Variants in ZMYM2 observed in about 807,000 individuals in gnomAD.
ZMYM2 encodes the protein zinc finger MYM-type containing 2, also known as zinc finger MYM-type protein 2.
A neutral mutation model predicts 162.8 loss-of-function variants in ZMYM2; 56 were observed. That is an observed-to-expected ratio of 0.34 (90% CI 0.28 to 0.43). The LOEUF (loss-of-function observed/expected upper bound fraction) is 0.43. ZMYM2 is among the 20% of genes least tolerant of loss of function. The probability of loss-of-function intolerance (pLI) is 1.00; values close to 1 mark genes in which losing one functional copy is unlikely to be tolerated. For missense variants in ZMYM2, 1,275 were observed against 1,621.8 expected (o/e 0.79, Z 3.67); for synonymous variants, 510 against 541.6 (o/e 0.94, Z 0.81).
At chr13:19,937,806 A>G in the ZMYM2 span, among the ~76,000 whole-genome samples, 1 of 102,436 alleles carries the variant, frequency 9.8e-6, no homozygotes, top group Non-Finnish European at 1.8e-5. Context: ...ACCTCACAAC[A>G]GTCCCTGGTG....
chr13:20,026,790 A>G, intron 8 of ZMYM2, 28 bp downstream of exon 8: 1 of 1,562,612 alleles, frequency 6.4e-7, no homozygotes, highest in South Asian at 1.2e-5. Flanking sequence ...GGACAGTTAA[A>G]AAAACTTTAC....
At chr13:20,062,785 A>G in intron 17 of ZMYM2, 61 bp from the exon 18 acceptor site, 1 of 1,449,024 alleles carries the variant, frequency 6.9e-7, no homozygotes, top group Non-Finnish European at 9.1e-7. Flanking sequence ...TGCCAGATTA[A>G]ATACAGATAC....
chr13:19,898,909 G>GGT, the ZMYM2 span, among the ~76,000 whole-genome samples: 1 of 151,822 alleles, frequency 6.6e-6, no homozygotes, highest in African/African-American at 2.4e-5. Context: ...CTTTAGACTA[G>GGT]GTGACAGAGC....
At chr13:19,924,449 T>G in the ZMYM2 span, among the ~76,000 whole-genome samples, 42,226 of 151,962 alleles carry the variant, frequency 0.28, 6,004 homozygotes, top group Admixed American at 0.32. Flanking sequence ...GTGCCTGTAG[T>G]CTCAGCTACT....
chr13:20,005,726 T>C (rs1215211048), intron 5 of ZMYM2, among the ~76,000 whole-genome samples: 2 of 152,194 alleles, frequency 1.3e-5, no homozygotes, highest in African/African-American at 2.4e-5. Flanking sequence ...CCCCTCCTCA[T>C]TTTTCTAGAG....
At chr13:20,029,069 C>A (rs1952836733) in intron 9 of ZMYM2, among the ~76,000 whole-genome samples, 1 of 151,998 alleles carries the variant, frequency 6.6e-6, no homozygotes, top group Admixed American at 6.6e-5. Flanking sequence ...GATAGTATTC[C>A]CACTTAGTCC....
chr13:19,906,483 T>A, the ZMYM2 span, among the ~76,000 whole-genome samples: 746 of 149,304 alleles, frequency 5.0e-3, 5 homozygotes, highest in Non-Finnish European at 9.0e-3. Context: ...AATGAAGAAC[T>A]AACGTCTACC....
the ZMYM2 span, among the ~76,000 whole-genome samples, chr13:19,929,277 C>T: frequency 3.3e-5 from 5 of 151,312 alleles, no homozygotes; most frequent in Non-Finnish European, 5.9e-5. Context: ...CTCACTCTGT[C>T]GCCCAGGTTG....
the ZMYM2 span, among the ~76,000 whole-genome samples, chr13:19,938,252 A>G: frequency 6.6e-6 from 1 of 152,142 alleles, no homozygotes; most frequent in African/African-American, 2.4e-5. Context: ...CACACCTATA[A>G]TCCCAGCACT....
the ZMYM2 span, among the ~76,000 whole-genome samples, chr13:19,896,339 T>C: frequency 6.6e-6 from 1 of 151,140 alleles, no homozygotes; most frequent in Non-Finnish European, 1.5e-5. Flanking sequence ...AGACGGGGTT[T>C]CACTATGTTG....
upstream of ZMYM2, among the ~76,000 whole-genome samples, chr13:19,957,135 C>T (rs1015875578): frequency 2.0e-5 from 3 of 151,516 alleles, no homozygotes; most frequent in Non-Finnish European, 4.4e-5. Flanking sequence ...GGTGGAAAGC[C>T]TACTTGATTT....
At chr13:20,033,878 G>T (rs903283290) in intron 10 of ZMYM2, among the ~76,000 whole-genome samples, 3 of 152,134 alleles carry the variant, frequency 2.0e-5, no homozygotes, top group African/African-American at 7.2e-5. Flanking sequence ...ACTCAACAAA[G>T]AATTTTTCTT....
At chr13:20,035,964 A>T (rs1481448591) in intron 11 of ZMYM2, among the ~76,000 whole-genome samples, 1 of 152,146 alleles carries the variant, frequency 6.6e-6, no homozygotes, top group African/African-American at 2.4e-5. Flanking sequence ...AAACAATTGC[A>T]GTTCCTGTTT....
the ZMYM2 span, among the ~76,000 whole-genome samples, chr13:19,890,856 A>T: frequency 6.6e-6 from 1 of 150,684 alleles, no homozygotes. Flanking sequence ...TGGGCAACAG[A>T]GCAAGACTCC....
the ZMYM2 span, among the ~76,000 whole-genome samples, chr13:19,871,206 G>A: frequency 1.3e-5 from 2 of 152,226 alleles, no homozygotes; most frequent in South Asian, 2.1e-4. Context: ...GCAATGTATG[G>A]TTTATGATAT....
At position 20,030,616 on chromosome 13, in the gene ZMYM2, T is replaced by C. The variant is rs554586626; in HGVS notation, c.1852-703T>C. ...GGTTTTACCGTGTTAGCCAGGATGGTCTCGATCTCCTGACTTCGTGATCCG... is the reference window on the plus strand; with the variant it reads ...GGTTTTACCGTGTTAGCCAGGATGGCCTCGATCTCCTGACTTCGTGATCCG... On this transcript the variant is annotated intron_variant, in intron 9 of 24. Transcript: ENST00000610343. Among the ~76,000 whole-genome samples the C allele has an allele frequency of 2.4e-4, 37 of 152,272 alleles. No homozygotes were observed. The South Asian group carries it at 4.1e-3, about 17-fold the overall frequency.
Position 20,006,369 on chromosome 13 carries a change from T to G in ZMYM2, c.1300-5T>G, listed in dbSNP as rs1274811034. On this transcript the variant is annotated splice_region_variant and splice_polypyrimidine_tract_variant and intron_variant, in intron 5 of 24. Transcript: ENST00000610343. ...TTTGTAAGATTTTGTTTATTTTTCT[T>G]TTAGATTCGCCATGAAGTCAGCTTT... 1 of 1,563,266 alleles carries G rather than the reference T, an allele frequency of 6.4e-7. No homozygotes were observed.
intron 17 of ZMYM2, among the ~76,000 whole-genome samples, chr13:20,061,589 T>C (rs1434596996): frequency 6.6e-6 from 1 of 152,026 alleles, no homozygotes; most frequent in African/African-American, 2.4e-5. Context: ...GTTTTTTGTT[T>C]TGTTTTGTTT....
At chr13:19,967,769 T>C (rs138971814) in intron 2 of ZMYM2, among the ~76,000 whole-genome samples, 1 of 152,324 alleles carries the variant, frequency 6.6e-6, no homozygotes, top group East Asian at 1.9e-4. Context: ...ATACAGGGTA[T>C]GCAGCTGGCC....
Sources: gnomAD v4.1 joint callset for allele counts (sites outside exome capture counted in the v4.1 genomes callset) on GRCh38, gnomAD v4.1.1 for gene constraint, MANE v1.5 for transcripts, NCBI Gene and HGNC (gene_info 2026-07-23, HGNC 2026-07-21) for gene names.